ST6GALNAC3: variants seen among roughly 807,000 people sequenced by gnomAD.
ST6GALNAC3 encodes ST6 N-acetylgalactosaminide alpha-2,6-sialyltransferase 3, also known as alpha-N-acetylgalactosaminide alpha-2,6-sialyltransferase 3.
In ST6GALNAC3, 25 loss-of-function variants were observed where a neutral mutation model predicts 32.7. The ratio of observed to expected loss-of-function variants is 0.76; its 90% confidence interval spans 0.56 to 1.07. The LOEUF (loss-of-function observed/expected upper bound fraction) is 1.07, where lower values mean the gene tolerates loss of function less well. Among genes scored for constraint, ST6GALNAC3 ranks in the 50% least tolerant of loss-of-function variants. ST6GALNAC3 has a pLI of 0.00. For missense variants in ST6GALNAC3, 355 were observed against 382.4 expected, an observed-to-expected ratio of 0.93 and a Z score of 0.60; for synonymous variants, 129 against 133.1, an observed-to-expected ratio of 0.97 and a Z score of 0.21.
chr1:76,176,245 G>A (rs1230634604), intron 1 of ST6GALNAC3, among the ~76,000 whole-genome samples: 4 of 152,164 alleles, frequency 2.6e-5, no homozygotes, highest in African/African-American at 9.7e-5. Context: ...CCCTCTTGCA[G>A]CCACTGCTAG....
rs1395815164 is a variant in ST6GALNAC3 at position 76,634,260 on chromosome 1, C to T, written c.*5454C>T. 1 of 732,102 alleles carries T rather than the reference C, an allele frequency of 1.4e-6. No individual in the cohort carries two copies. Among genetic ancestry groups the T allele is most frequent in the Non-Finnish European group, 1.7e-6 (1 of 598,742 alleles). The allele number at this position is 732,102 out of a possible 1,614,324, so 45.4% of individuals were successfully genotyped here. On this transcript the variant is annotated 3_prime_UTR_variant, in exon 5 of 5. Transcript: ENST00000328299. Reference sequence around the variant, plus strand: ...CACATATTTGCCTATGAAGTGAGAGCTATTTCTAAGAAACTTCAAAAAGAT... The same window carrying T: ...CACATATTTGCCTATGAAGTGAGAGTTATTTCTAAGAAACTTCAAAAAGAT...
rs1318410712 is a variant in ST6GALNAC3, at chr1:76,630,524, T to A, written c.*1718T>A. 1.0e-6 allele frequency: 1 copy of A among 985,168 alleles called. No homozygotes were observed. Among genetic ancestry groups the A allele is most frequent in the East Asian group, 1.1e-4 (1 of 8,822 alleles). 61.0% of individuals were successfully genotyped at this position (985,168 alleles called of 1,614,324 possible). On this transcript the variant is annotated 3_prime_UTR_variant, in exon 5 of 5. Transcript: ENST00000328299. ...AGAATTCAAAAACATCCTTGCAGAA[T>A]GATTCAAAAGACAAAAGCCAGGCTC... is the stretch of plus-strand genomic sequence containing the variant.
intron 1 of ST6GALNAC3, among the ~76,000 whole-genome samples, chr1:76,215,183 T>C (rs1365951604): frequency 6.6e-6 from 1 of 152,082 alleles, no homozygotes; most frequent in East Asian, 1.9e-4. Context: ...GGGACCTTAG[T>C]AGACAAAAAG....
intron 1 of ST6GALNAC3, among the ~76,000 whole-genome samples, chr1:76,129,995 C>T (rs1039123844): frequency 6.6e-6 from 1 of 152,120 alleles, no homozygotes; most frequent in Non-Finnish European, 1.5e-5. Context: ...ATGGATTTGG[C>T]CCATTCCTGC....
At position 76,468,192 on chromosome 1, in the gene ST6GALNAC3, G is replaced by A. The variant is rs111244375; in HGVS notation, c.623+55775G>A. Among the ~76,000 whole-genome samples, 391 of 151,950 alleles carry A rather than the reference G, an allele frequency of 2.6e-3. 3 individuals carry two copies. The highest frequency in any genetic ancestry group is 9.2e-3 in the African/African-American group (380 of 41,476). On this transcript the variant is annotated intron_variant, in intron 3 of 4. Transcript: ENST00000328299. The stretch of plus-strand genomic sequence containing the variant: ...GGTCTAGCTTAGTGTTTGCCCATAT[G>A]TAAAATGTTTTGAGTTCATAAAATC...
intron 3 of ST6GALNAC3, among the ~76,000 whole-genome samples, chr1:76,520,950 C>T (rs116578027): frequency 0.018 from 2,713 of 151,774 alleles, 39 homozygotes; most frequent in Non-Finnish European, 0.028. Flanking sequence ...TTATATCCAC[C>T]TTATTATTAT....
chr1:76,555,327 T>C (rs1366989454), intron 3 of ST6GALNAC3, among the ~76,000 whole-genome samples: 1 of 152,184 alleles, frequency 6.6e-6, no homozygotes, highest in Non-Finnish European at 1.5e-5. Context: ...GATACATAAT[T>C]GGAATTGAAT....
chr1:76,178,515 T>C (rs2100450937), intron 1 of ST6GALNAC3, among the ~76,000 whole-genome samples: 1 of 152,344 alleles, frequency 6.6e-6, no homozygotes, highest in Middle Eastern at 3.4e-3. Flanking sequence ...ACTGATGTCT[T>C]TCTTCCCTGT....
chr1:76,341,609 C>CTTTCT (rs1647984612), intron 2 of ST6GALNAC3, among the ~76,000 whole-genome samples: 6 of 58,220 alleles, frequency 1.0e-4, no homozygotes, highest in African/African-American at 4.5e-4. Context: ...AACTGCTTTT[C>CTTTCT]TTTCTTTCTT....
chr1:76,171,846 C>T (rs1429081935), intron 1 of ST6GALNAC3, among the ~76,000 whole-genome samples: 1 of 128,330 alleles, frequency 7.8e-6, no homozygotes, highest in Non-Finnish European at 1.7e-5. Flanking sequence ...AAAAAAAACA[C>T]AGAAAAACAA....
At chr1:76,544,484 A>C (rs745762459) in intron 3 of ST6GALNAC3, among the ~76,000 whole-genome samples, 1 of 152,150 alleles carries the variant, frequency 6.6e-6, no homozygotes, top group Non-Finnish European at 1.5e-5. Flanking sequence ...ACATATCTTG[A>C]AACTAGAATT....
intron 3 of ST6GALNAC3, among the ~76,000 whole-genome samples, chr1:76,450,968 G>A (rs1557897376): frequency 6.6e-6 from 1 of 152,156 alleles, no homozygotes; most frequent in African/African-American, 2.4e-5. Flanking sequence ...AGTATAGTTT[G>A]AAGTCAGGTA....
intron 3 of ST6GALNAC3, among the ~76,000 whole-genome samples, chr1:76,544,160 A>G (rs1664156224): frequency 6.6e-6 from 1 of 151,842 alleles, no homozygotes; most frequent in Non-Finnish European, 1.5e-5. Context: ...GCAAGCATGT[A>G]ATATCATATA....
Position 76,553,427 on chromosome 1 carries a change from G to C in ST6GALNAC3, c.624-74025G>C, listed in dbSNP as rs141174474. 9.7e-4 allele frequency among the ~76,000 whole-genome samples: 147 copies of C among 152,276 alleles called. 1 individual carries two copies. The East Asian group carries it at 0.026, about 27-fold the overall frequency. On this transcript the variant is annotated intron_variant, in intron 3 of 4. Transcript: ENST00000328299. ...AGCCAAGAATTTCTGGAGTCACTCAGGCCCGTGCCATATAATTACATTATT... is the reference window on the plus strand; with the variant it reads ...AGCCAAGAATTTCTGGAGTCACTCACGCCCGTGCCATATAATTACATTATT...
chr1:76,477,263 A>T (rs1041616990), intron 3 of ST6GALNAC3, among the ~76,000 whole-genome samples: 2 of 152,074 alleles, frequency 1.3e-5, no homozygotes, highest in African/African-American at 4.8e-5. Flanking sequence ...TTATGTGTTT[A>T]AAAAGACATA....
At chr1:76,149,720 C>G (rs1650924433) in intron 1 of ST6GALNAC3, among the ~76,000 whole-genome samples, 1 of 151,594 alleles carries the variant, frequency 6.6e-6, no homozygotes, top group African/African-American at 2.4e-5. Flanking sequence ...TTTCTGTATT[C>G]ATTCATTGTT....
At chr1:76,143,821 C>T (rs2706194) in intron 1 of ST6GALNAC3, among the ~76,000 whole-genome samples, 2,435 of 152,170 alleles carry the variant, frequency 0.016, 20 homozygotes, top group African/African-American at 0.019. Context: ...ATAGGGGCTG[C>T]GGCTTATTGA....
intron 3 of ST6GALNAC3, among the ~76,000 whole-genome samples, chr1:76,494,904 T>A (rs971000730): frequency 6.6e-6 from 1 of 152,088 alleles, no homozygotes; most frequent in Non-Finnish European, 1.5e-5. Context: ...GCTGGCAGGC[T>A]TGAGACTCTG....
intron 2 of ST6GALNAC3, among the ~76,000 whole-genome samples, chr1:76,402,999 C>T (rs1206620958): frequency 6.6e-6 from 1 of 151,860 alleles, no homozygotes; most frequent in African/African-American, 2.4e-5. Context: ...CTCCTCCTCT[C>T]AAACTATAAG....
Sources: gnomAD v4.1 joint callset for allele counts (sites outside exome capture counted in the v4.1 genomes callset) on GRCh38, gnomAD v4.1.1 for gene constraint, MANE v1.5 for transcripts, NCBI Gene and HGNC (gene_info 2026-07-23, HGNC 2026-07-21) for gene names.